The following PALM2AKAP2 variants were observed in gnomAD, a reference collection of about 807,000 sequenced individuals.
PALM2AKAP2 encodes the protein PALM2 and AKAP2 fusion, also known as PALM2-AKAP2 fusion protein.
PALM2AKAP2 carries 37 observed loss-of-function variants against 71.5 expected under a neutral mutation model. The observed-to-expected ratio is 0.52, with a 90% CI of 0.40 to 0.68. PALM2AKAP2 has a LOEUF of 0.68. Ranked by LOEUF, PALM2AKAP2 falls within the 30% of genes least tolerant of loss-of-function variation. The probability of loss-of-function intolerance (pLI) is 0.00; values close to 1 mark genes in which losing one functional copy is unlikely to be tolerated. For synonymous variants in PALM2AKAP2, 468 were observed against 478.8 expected (o/e 0.98, Z 0.29); for missense variants, 1,224 against 1,191.8 (o/e 1.03, Z -0.40).
At chr9:109,786,903 TC>T (rs777445094) in intron 1 of PALM2AKAP2, among the ~76,000 whole-genome samples, 16 of 152,198 alleles carry the variant, frequency 1.1e-4, no homozygotes, top group Non-Finnish European at 1.8e-4. Flanking sequence ...TTTCTATATT[TC>T]TTTGGGGGCT....
At chr9:109,898,746 C>T (rs781637199) in intron 3 of PALM2AKAP2, among the ~76,000 whole-genome samples, 37 of 152,212 alleles carry the variant, frequency 2.4e-4, no homozygotes, top group Non-Finnish European at 5.1e-4. Flanking sequence ...CACTAACTCT[C>T]CCTTCCTCCT....
intron 3 of PALM2AKAP2, among the ~76,000 whole-genome samples, chr9:110,160,059 G>C (rs1836557509): frequency 6.6e-6 from 1 of 152,250 alleles, no homozygotes; most frequent in South Asian, 2.1e-4. Flanking sequence ...GAGGGCAGGA[G>C]GATTACCATC....
chr9:109,842,191 C>T (rs1043273155), intron 1 of PALM2AKAP2, among the ~76,000 whole-genome samples: 2 of 152,078 alleles, frequency 1.3e-5, no homozygotes, highest in Admixed American at 6.6e-5. Context: ...AGTCCAAAGT[C>T]GGGTGAATGC....
chr9:110,162,903 G>A (rs1467008338), intron 3 of PALM2AKAP2, among the ~76,000 whole-genome samples: 1 of 151,784 alleles, frequency 6.6e-6, no homozygotes, highest in African/African-American at 2.4e-5. Context: ...TAGGGACGGG[G>A]GTCTCGCTAT....
In PALM2AKAP2 at chr9:109,947,519, A is replaced by G. The variant is rs529626778; in HGVS notation, c.496+15491A>G. Among the ~76,000 whole-genome samples the G allele has an allele frequency of 9.2e-5, 14 of 152,322 alleles. No homozygotes were observed. The East Asian group carries it at 2.5e-3, about 27-fold the overall frequency. ...ACCAATGGGTAGCAAAAGAGGAGGG[A>G]GGGAACATGGTCATAGAGACAAAAT... On this transcript the variant is annotated intron_variant, in intron 6 of 9. Transcript: ENST00000302798.
In PALM2AKAP2 at chr9:110,049,029, G is replaced by A. The variant is rs553207740; in HGVS notation, c.156+174G>A. On this transcript the variant is annotated intron_variant, in intron 1 of 3. Transcript: ENST00000374525. Reference sequence around the variant, plus strand: ...TCGAGCGGAGCGTGTGCTGGGAGAGGGCCCGGGTGGAGGGGCTGTGGCCAT... The same window carrying A: ...TCGAGCGGAGCGTGTGCTGGGAGAGAGCCCGGGTGGAGGGGCTGTGGCCAT... Among the ~76,000 whole-genome samples the A allele has an allele frequency of 9.2e-5, 14 of 152,362 alleles. No individual in the cohort carries two copies. The South Asian group carries it at 2.9e-3, about 32-fold the overall frequency.
chr9:109,777,945 C>G (rs1366691415), upstream of PALM2AKAP2, among the ~76,000 whole-genome samples: 1 of 152,222 alleles, frequency 6.6e-6, no homozygotes, highest in African/African-American at 2.4e-5. Context: ...CCCGATTCTT[C>G]TATTCAGAGT....
intron 5 of PALM2AKAP2, among the ~76,000 whole-genome samples, chr9:109,930,230 A>AT (rs111227193): frequency 0.07 from 10,154 of 145,514 alleles, 461 homozygotes; most frequent in East Asian, 0.14. Flanking sequence ...GGAAAAATCT[A>AT]TTTTTTTTTT....
chr9:109,702,752 T>TAAAA (rs566421995), intron 1 of PALM2AKAP2, among the ~76,000 whole-genome samples: 4 of 139,574 alleles, frequency 2.9e-5, no homozygotes, highest in African/African-American at 7.8e-5. Flanking sequence ...GGTATAATAA[T>TAAAA]AAAAAAAAAA....
At chr9:109,840,252 AC>A (rs1828618159) in intron 1 of PALM2AKAP2, among the ~76,000 whole-genome samples, 1 of 152,234 alleles carries the variant, frequency 6.6e-6, no homozygotes, top group African/African-American at 2.4e-5. Flanking sequence ...CCTGACAAAA[AC>A]AAGAAATGGG....
intron 6 of PALM2AKAP2, among the ~76,000 whole-genome samples, chr9:109,959,083 C>T (rs1489913390): frequency 6.6e-6 from 1 of 152,170 alleles, no homozygotes; most frequent in African/African-American, 2.4e-5. Context: ...AGACACGTGC[C>T]ACTGCTCCCC....
chr9:109,662,720 T>G (rs558318240), intron 1 of PALM2AKAP2, among the ~76,000 whole-genome samples: 2 of 152,176 alleles, frequency 1.3e-5, no homozygotes, highest in African/African-American at 4.8e-5. Context: ...TTTCTATTGA[T>G]TGGAATAGTT....
chr9:110,028,988 A>G (rs969620251), intron 7 of PALM2AKAP2, among the ~76,000 whole-genome samples: 5 of 151,988 alleles, frequency 3.3e-5, no homozygotes, highest in South Asian at 2.1e-4. Context: ...AAACATGACA[A>G]TGTATTTTAT....
At chr9:109,780,589 C>G in intron 1 of PALM2AKAP2, 56 bp downstream of exon 1, 1 of 1,611,276 alleles carries the variant, frequency 6.2e-7, no homozygotes, top group Non-Finnish European at 8.5e-7. Context: ...GAAGGGGGCC[C>G]CCGAGGGTTT....
chr9:110,058,397 GT>G lies in PALM2AKAP2; in HGVS notation c.156+9543del, dbSNP rs546194504. On this transcript the variant is annotated intron_variant, in intron 1 of 3. Coordinates refer to ENST00000374525, the Ensembl canonical transcript of PALM2AKAP2. ...ATGTACTGAGTACCCACCATTGAGG[GT>G]GCTACAAGGCAACATTCCCTCCCAT... Among the ~76,000 whole-genome samples, 140 of 152,242 alleles carry G rather than the reference GT, an allele frequency of 9.2e-4. 1 individual carries two copies. Among genetic ancestry groups the G allele is most frequent in the Non-Finnish European group, 1.9e-3 (128 of 68,012 alleles).
chr9:109,867,383 T>C, intron 1 of PALM2AKAP2, 108 bp from the exon 2 acceptor site: 1 of 1,299,772 alleles, frequency 7.7e-7, no homozygotes. Context: ...CCGGTGTCTC[T>C]GGAAGTGTCT....
intron 6 of PALM2AKAP2, among the ~76,000 whole-genome samples, chr9:110,005,330 G>A (rs1316978500): frequency 6.6e-6 from 1 of 152,242 alleles, no homozygotes; most frequent in African/African-American, 2.4e-5. Flanking sequence ...AGCGGAGGCT[G>A]CAGAACAGCA....
Position 110,091,459 on chromosome 9 carries a change from C to CTTTTTTTTTTTTTTTT in PALM2AKAP2, c.156+42610_156+42625dup, listed in dbSNP as rs66848294. Among the ~76,000 whole-genome samples the CTTTTTTTTTTTTTTTT allele has an allele frequency of 1.2e-4, 10 of 83,652 alleles. 1 individual carries two copies. The highest frequency in any genetic ancestry group is 2.6e-4 in the African/African-American group (5 of 19,320). 54.9% of individuals were successfully genotyped at this position (83,652 alleles called of 152,430 possible). The stretch of plus-strand genomic sequence containing the variant: ...GGCTTTTTAATCTTTGAGATTTATT[C>CTTTTTTTTTTTTTTTT]TTTTTTTTTTTTTTTTTTTTTGAGA... On this transcript the variant is annotated intron_variant, in intron 1 of 3. Coordinates refer to ENST00000374525, the Ensembl canonical transcript of PALM2AKAP2.
chr9:109,899,180 A>G (rs1309123238), intron 3 of PALM2AKAP2, among the ~76,000 whole-genome samples: 5 of 152,008 alleles, frequency 3.3e-5, no homozygotes. Flanking sequence ...CAGCATGCTA[A>G]AAATTCATTA....
Sources: allele counts gnomAD v4.1 joint callset (sites outside exome capture counted in the v4.1 genomes callset), GRCh38; gene constraint gnomAD v4.1.1; transcripts MANE v1.5; gene names NCBI Gene and HGNC (gene_info 2026-07-23, HGNC 2026-07-21).